DDX18: variants seen among roughly 807,000 people sequenced by gnomAD.
DDX18 encodes DEAD-box helicase 18.
In DDX18, 23 loss-of-function variants were observed where a neutral mutation model predicts 73.5. The observed-to-expected ratio is 0.31, with a 90% CI of 0.23 to 0.44. The LOEUF is 0.44. DDX18 is among the 20% of genes least tolerant of loss of function. The pLI is 1.00. For missense variants in DDX18, 753 were observed against 792.9 expected (o/e 0.95, Z 0.60); for synonymous variants, 268 against 282.7 (o/e 0.95, Z 0.52).
intron 11 of DDX18, chr2:117,828,732 C>G (rs1679973995): frequency 1.9e-6 from 1 of 539,144 alleles, no homozygotes. Context: ...TGTCCCTATC[C>G]AGTTCCTTGC....
At position 117,825,618 on chromosome 2, in the gene DDX18, A is replaced by T; in HGVS notation, c.1521+19A>T. The T allele has an allele frequency of 6.2e-7, 1 of 1,609,702 alleles. No individual in the cohort carries two copies. On this transcript the variant is annotated intron_variant, in intron 10 of 13. Coordinates refer to ENST00000263239, the MANE Select transcript of DDX18 (RefSeq NM_006773.4). The stretch of plus-strand genomic sequence containing the variant: ...CCCTAAGGTAACTGGCATCTTTGGA[A>T]TATCTTCAGAATGACTCTGCATTAA...
At chr2:117,823,727 C>T (rs1395968640) in intron 7 of DDX18, among the ~76,000 whole-genome samples, 1 of 152,062 alleles carries the variant, frequency 6.6e-6, no homozygotes, top group Middle Eastern at 3.2e-3. Flanking sequence ...TATCTTGGTT[C>T]TGATCTTAGG....
intron 8 of DDX18, 110 bp downstream of exon 8, chr2:117,824,818 G>A (rs1442237421): frequency 2.0e-6 from 3 of 1,465,468 alleles, no homozygotes; most frequent in South Asian, 1.4e-5. Flanking sequence ...TTAAAATGCT[G>A]TAGGTGAGGC....
At position 117,829,426 on chromosome 2, in the gene DDX18, T is replaced by C; in HGVS notation, c.1830T>C (p.Ala610=). 2 of 1,613,348 alleles carry C rather than the reference T, an allele frequency of 1.2e-6. No individual in the cohort carries two copies. Among genetic ancestry groups the C allele is most frequent in the Non-Finnish European group, 1.7e-6 (2 of 1,179,814 alleles). ...NVNNLNLPQV[A]LSFGFKVPPF... is the part of the protein sequence containing the mutation. ...ATAACCTAAATTTGCCTCAGGTTGC[T>C]CTGTCATTTGGTTTCAAGGTGCCTC... is the stretch of plus-strand genomic sequence containing the variant. Residue 610 remains alanine (A), a synonymous_variant, in exon 13 of 14, where the codon GCT becomes GCC. Transcript: ENST00000263239.
At position 117,825,589 on chromosome 2, in the gene DDX18, A is replaced by G. The variant is rs764164580; in HGVS notation, c.1511A>G (p.Asp504Gly). 1.9e-6 allele frequency: 3 copies of G among 1,613,912 alleles called. No homozygotes were observed. The highest frequency in any genetic ancestry group is 8.5e-7 in the Non-Finnish European group (1 of 1,179,954). Reference protein sequence around the residue: ...VDWIVQYDPPDDPKEYIHRVG... With the variant: ...VDWIVQYDPPGDPKEYIHRVG... ...TGGATTGTTCAGTATGACCCTCCGG[A>G]TGACCCTAAGGTAACTGGCATCTTT... Residue 504 changes from aspartate to glycine, a missense_variant, in exon 10 of 14, where the codon GAT (aspartate) becomes GGT (glycine). Transcript: ENST00000263239.
chr2:117,828,400 T>A (rs564465241), intron 11 of DDX18: 1 of 152,240 alleles, frequency 6.6e-6, no homozygotes, highest in Admixed American at 6.5e-5. Context: ...CTTATCTTTC[T>A]CCCCCTCAAG....
Position 117,817,572 on chromosome 2 carries a change from G to T in DDX18, c.214G>T (p.Gly72Cys). 1 of 1,613,898 alleles carries T rather than the reference G, an allele frequency of 6.2e-7. No individual in the cohort carries two copies. Among genetic ancestry groups the T allele is most frequent in the Non-Finnish European group, 8.5e-7 (1 of 1,179,930 alleles). The change falls in exon 2 of 14, where the codon GGC becomes TGC. Residue 72 changes from glycine to cysteine, a missense_variant. This residue lies in a region of DDX18 where 345 missense variants were observed against 352.0 expected (regional missense o/e 0.98). Coordinates refer to ENST00000263239, the MANE Select transcript of DDX18 (RefSeq NM_006773.4). ...GGGCTTATCAGAAACTCAAAATGGA[G>T]GCATGTCTCAAGAAGCAGTGGGAAA... ...NVGLSETQNG[G>C]MSQEAVGNIK...
intron 2 of DDX18, among the ~76,000 whole-genome samples, chr2:117,818,889 T>G (rs1186429555): frequency 6.6e-6 from 1 of 152,166 alleles, no homozygotes; most frequent in African/African-American, 2.4e-5. Flanking sequence ...CAGCTGAAGA[T>G]ATCTGTGGCT....
chr2:117,825,515 A>G lies in DDX18; in HGVS notation c.1437A>G (p.Leu479=), dbSNP rs756211845. Residue 479 remains leucine, a synonymous_variant, in exon 10 of 14, where the codon CTA becomes CTG. Transcript: ENST00000263239. ...FQFCNADSGT[L]LCTDVAARGL... ...TCTGCAATGCAGATTCGGGAACACTATTGTGTACGGATGTGGCAGCGAGAG... is the reference window on the plus strand; with the variant it reads ...TCTGCAATGCAGATTCGGGAACACTGTTGTGTACGGATGTGGCAGCGAGAG... 3.5e-5 allele frequency: 56 copies of G among 1,613,996 alleles called. No homozygotes were observed. Among genetic ancestry groups the G allele is most frequent in the East Asian group, 6.7e-5 (3 of 44,896 alleles).
chr2:117,820,110 C>A (rs1010207518), intron 3 of DDX18, among the ~76,000 whole-genome samples: 25 of 152,252 alleles, frequency 1.6e-4, no homozygotes, highest in Middle Eastern at 3.4e-3. Context: ...AAATGATTGG[C>A]CCTGTACGAG....
intron 4 of DDX18, 122 bp from the exon 5 acceptor site, chr2:117,821,528 C>A: frequency 1.7e-6 from 2 of 1,176,602 alleles, no homozygotes; most frequent in Non-Finnish European, 1.2e-6. Context: ...CCCAGGTGAT[C>A]AATTTCAGCA....
At position 117,822,036 on chromosome 2, in the gene DDX18, C is replaced by T; in HGVS notation, c.926C>T (p.Pro309Leu). Residue 309 changes from proline to leucine, a missense_variant, in exon 6 of 14, where the codon CCA (proline) becomes CTA (leucine). By Grantham distance (98) the Pro-to-Leu change is moderately conservative. Around this residue, in one of 3 missense-constraint regions of DDX18, gnomAD observed 6 missense variants for 21.5 expected, o/e 0.28. Coordinates refer to ENST00000263239, the MANE Select transcript of DDX18 (RefSeq NM_006773.4). The stretch of plus-strand genomic sequence containing the variant: ...GGGATCAACATCATTGTGGCCACAC[C>T]AGGCCGTCTGCTGGACCATATGCAG... The part of the protein sequence containing the change: ...GNGINIIVAT[P>L]GRLLDHMQNT... The T allele has an allele frequency of 1.9e-6, 3 of 1,614,032 alleles. No individual in the cohort carries two copies. Among genetic ancestry groups the T allele is most frequent in the Non-Finnish European group, 2.5e-6 (3 of 1,179,932 alleles).
chr2:117,829,041 A>G (rs1325052330), intron 12 of DDX18, 36 bp downstream of exon 12: 1 of 1,544,322 alleles, frequency 6.5e-7, no homozygotes, highest in South Asian at 1.1e-5. Context: ...GTAAACAGGA[A>G]CCTTGTCCCA....
chr2:117,817,652 A>T lies in DDX18; in HGVS notation c.294A>T (p.Ala98=). Residue 98 remains alanine (A), a synonymous_variant, in exon 2 of 14, where the codon GCA becomes GCT. Coordinates refer to ENST00000263239, the MANE Select transcript of DDX18 (RefSeq NM_006773.4). ...QKSTVLTNGE[A]AMQSSNSESK... is the part of the protein sequence containing the mutation. ...CCACTGTATTAACCAATGGAGAAGC[A>T]GCAATGCAGTCTTCCAATTCAGAAT... The T allele has an allele frequency of 6.2e-7, 1 of 1,613,022 alleles. No homozygotes were observed. Among genetic ancestry groups the T allele is most frequent in the Non-Finnish European group, 8.5e-7 (1 of 1,179,728 alleles).
At chr2:117,825,276 T>C (rs530408454) in intron 9 of DDX18, among the ~76,000 whole-genome samples, 171 bp from the exon 10 acceptor site, 1 of 152,066 alleles carries the variant, frequency 6.6e-6, no homozygotes, top group Non-Finnish European at 1.5e-5. Flanking sequence ...ATGAGGACTT[T>C]CGAAGAGTGC....
Position 117,825,463 on chromosome 2 carries a change from A to G in DDX18, c.1385A>G (p.Asn462Ser). The G allele has an allele frequency of 6.2e-7, 1 of 1,612,240 alleles. No individual in the cohort carries two copies. ...TAATTCTAGGGAAAGCAAAAGCAAA[A>G]TAAGCGTACAACCACATTCTTCCAG... ...VLAIHGKQKQ[N>S]KRTTTFFQFC... Residue 462 changes from asparagine to serine, a missense_variant, in exon 10 of 14, where the codon AAT becomes AGT. By Grantham distance (46) the Asn-to-Ser change is conservative (BLOSUM62 1). Around this residue, in one of 3 missense-constraint regions of DDX18, gnomAD observed 402 missense variants for 419.4 expected, o/e 0.96. Transcript: ENST00000263239.
intron 11 of DDX18, 128 bp from the exon 12 acceptor site, chr2:117,828,821 G>GA (rs1421460726): frequency 3.0e-6 from 2 of 672,966 alleles, no homozygotes; most frequent in Non-Finnish European, 5.2e-6. Flanking sequence ...TGGGAGACTA[G>GA]AAAAAGCAGA....
At position 117,830,657 on chromosome 2, in the gene DDX18, T is replaced by C. The variant is rs139219204; in HGVS notation, c.1946T>C (p.Val649Ala). 5 of 1,613,724 alleles carry C rather than the reference T, an allele frequency of 3.1e-6. No homozygotes were observed. In the African/African-American group the frequency reaches 5.3e-5, roughly 17 times the overall value. Residue 649 changes from valine (V) to alanine (A), a missense_variant, in exon 14 of 14, where the codon GTT becomes GCT. This residue lies in a region of DDX18 where 402 missense variants were observed against 419.4 expected (regional missense o/e 0.96). Coordinates refer to ENST00000263239, the MANE Select transcript of DDX18 (RefSeq NM_006773.4). ...GGFGYQKTKK[V>A]EKSKIFKHIS... Reference sequence around the variant, plus strand: ...TTTGGCTACCAGAAAACCAAGAAAGTTGAGAAATCCAAAATCTTTAAACAC... The same window carrying C: ...TTTGGCTACCAGAAAACCAAGAAAGCTGAGAAATCCAAAATCTTTAAACAC...
intron 7 of DDX18, 49 bp downstream of exon 7, chr2:117,822,310 A>G: frequency 1.4e-6 from 2 of 1,435,724 alleles, no homozygotes; most frequent in Non-Finnish European, 2.0e-6. Flanking sequence ...TGTTGGAGGT[A>G]GATAAGAGTT....
Sources: gnomAD v4.1 joint callset for allele counts (sites outside exome capture counted in the v4.1 genomes callset) on GRCh38, gnomAD v4.1.1 for gene constraint, gnomAD v4.1.1 regional missense constraint, MANE v1.5 for transcripts, NCBI Gene and HGNC (gene_info 2026-07-23, HGNC 2026-07-21) for gene names.